PCDHA5: variants seen among roughly 807,000 people sequenced by gnomAD.
The protein encoded by PCDHA5 is protocadherin alpha-5.
In PCDHA5, 43 loss-of-function variants were observed where a neutral mutation model predicts 61.6. That is an observed-to-expected ratio of 0.70 (90% CI 0.55 to 0.90). The LOEUF (loss-of-function observed/expected upper bound fraction) is 0.90. Ranked by LOEUF, PCDHA5 falls within the 40% of genes least tolerant of loss-of-function variation. PCDHA5 has a pLI of 0.00. For missense variants in PCDHA5, 1,298 were observed against 1,222.7 expected, an observed-to-expected ratio of 1.06 and a Z score of -0.92; for synonymous variants, 627 against 543.9, an observed-to-expected ratio of 1.15 and a Z score of -2.13.
At position 140,823,929 on chromosome 5, in the gene PCDHA5, C is replaced by A. The variant is rs2150130451; in HGVS notation, c.2154C>A (p.Thr718=). Residue 718 remains threonine (T), a synonymous_variant, in exon 1 of 4, where the codon ACC becomes ACA. Coordinates refer to ENST00000529859, the MANE Select transcript of PCDHA5 (RefSeq NM_018908.3). ...TGGTGCTCACGCTGCTGCTGTACAC[C>A]GCGCTGCGGTGCTCGGCGCAGCCCA... ...SLLVLTLLLY[T]ALRCSAQPTE... is the part of the protein sequence containing the mutation. 6.2e-7 allele frequency: 1 copy of A among 1,613,958 alleles called. No individual in the cohort carries two copies. Among genetic ancestry groups the A allele is most frequent in the Non-Finnish European group, 8.5e-7 (1 of 1,179,946 alleles).
At chr5:140,841,445 G>C (rs1777235481) in intron 1 of PCDHA5, 6 of 1,612,934 alleles carry the variant, frequency 3.7e-6, no homozygotes, top group South Asian at 1.1e-5. Flanking sequence ...GGCCAAACAC[G>C]GCACCTTCGT....
intron 3 of PCDHA5, among the ~76,000 whole-genome samples, chr5:140,998,018 G>A (rs575495303): frequency 2.0e-5 from 3 of 152,170 alleles, no homozygotes; most frequent in Admixed American, 6.5e-5. Flanking sequence ...TCCCCACCTC[G>A]AGCTAGTGCT....
chr5:140,877,044 C>G (rs2056811009), intron 1 of PCDHA5: 2 of 1,612,634 alleles, frequency 1.2e-6, no homozygotes, highest in Non-Finnish European at 1.7e-6. Context: ...AGCCGCTAGA[C>G]CACGAGGAGC....
chr5:140,839,078 C>T (rs1776029855), intron 1 of PCDHA5, among the ~76,000 whole-genome samples: 1 of 151,898 alleles, frequency 6.6e-6, no homozygotes, highest in African/African-American at 2.4e-5. Flanking sequence ...AAGTCAAAAA[C>T]CTGTCTGATA....
chr5:140,898,004 T>C (rs2066460029), intron 1 of PCDHA5, among the ~76,000 whole-genome samples: 1 of 152,210 alleles, frequency 6.6e-6, no homozygotes, highest in East Asian at 1.9e-4. Context: ...GAAGTGTCTG[T>C]TCATATCCTT....
chr5:140,990,232 C>T (rs983376308), intron 3 of PCDHA5, among the ~76,000 whole-genome samples: 4 of 152,054 alleles, frequency 2.6e-5, no homozygotes, highest in Non-Finnish European at 4.4e-5. Flanking sequence ...TTGTAACTAG[C>T]GTTGTATTCC....
At chr5:140,876,445 A>G in intron 1 of PCDHA5, 1 of 1,614,014 alleles carries the variant, frequency 6.2e-7, no homozygotes, top group Non-Finnish European at 8.5e-7. Context: ...CGCCATTGAT[A>G]AAGGGATTCC....
chr5:141,003,001 C>T (rs1403843420), intron 3 of PCDHA5, among the ~76,000 whole-genome samples: 3 of 152,182 alleles, frequency 2.0e-5, no homozygotes, highest in Admixed American at 1.3e-4. Flanking sequence ...AGTTTATGTT[C>T]TATTAGGGAA....
At chr5:140,917,863 G>A (rs182359679) in intron 1 of PCDHA5, among the ~76,000 whole-genome samples, 1 of 151,750 alleles carries the variant, frequency 6.6e-6, no homozygotes, top group East Asian at 1.9e-4. Context: ...GGATTGCTTT[G>A]ACTATTTGGG....
At chr5:140,934,690 T>C (rs1263392505) in intron 1 of PCDHA5, among the ~76,000 whole-genome samples, 1 of 152,198 alleles carries the variant, frequency 6.6e-6, no homozygotes, top group Non-Finnish European at 1.5e-5. Flanking sequence ...AAACAATGAA[T>C]TGATTCCTGG....
chr5:140,989,350 T>G (rs188962457), intron 3 of PCDHA5, among the ~76,000 whole-genome samples: 17 of 152,274 alleles, frequency 1.1e-4, no homozygotes, highest in African/African-American at 3.9e-4. Context: ...TCAAAGGTGA[T>G]AGGTCACCTG....
intron 1 of PCDHA5, chr5:140,841,760 A>C: frequency 6.2e-7 from 1 of 1,613,864 alleles, no homozygotes; most frequent in Non-Finnish European, 8.5e-7. Flanking sequence ...AGAATCCAGA[A>C]TGCCAGACTC....
chr5:140,979,147 C>A (rs2096836802), intron 2 of PCDHA5, 140 bp downstream of exon 2: 2 of 1,442,248 alleles, frequency 1.4e-6, no homozygotes, highest in African/African-American at 2.9e-5. Flanking sequence ...ATTATTTTGT[C>A]CCCATGTTTA....
intron 1 of PCDHA5, chr5:140,926,715 G>C (rs114961630): frequency 2.1e-6 from 2 of 952,238 alleles, no homozygotes; most frequent in Non-Finnish European, 1.4e-6. Flanking sequence ...GGCCAGCCCC[G>C]GCAATGCCGG....
intron 1 of PCDHA5, among the ~76,000 whole-genome samples, chr5:140,938,890 C>T (rs979482011): frequency 5.9e-5 from 9 of 152,080 alleles, no homozygotes; most frequent in Non-Finnish European, 8.8e-5. Flanking sequence ...CACACACACA[C>T]AGATGCGCAC....
chr5:140,891,744 A>G (rs2063231419), intron 1 of PCDHA5, among the ~76,000 whole-genome samples: 1 of 152,070 alleles, frequency 6.6e-6, no homozygotes, highest in South Asian at 2.1e-4. Context: ...AATCCCTTAT[A>G]CAACAGTGTT....
At position 140,828,273 on chromosome 5, in the gene PCDHA5, C is replaced by T. The variant is rs2150153408; in HGVS notation, c.2352+4146C>T. ...GGGCTGGAGCTGGCGGAGCTGGTGC[C>T]GCGCCTGTTCAGGATGGCCTCCAAA... On this transcript the variant is annotated intron_variant, in intron 1 of 3. Transcript: ENST00000529859. The T allele has an allele frequency of 1.2e-5, 19 of 1,614,048 alleles. No individual in the cohort carries two copies. The highest frequency in any genetic ancestry group is 1.7e-5 in the Admixed American group (1 of 60,030).
intron 1 of PCDHA5, among the ~76,000 whole-genome samples, chr5:140,944,025 A>C (rs981840753): frequency 6.6e-6 from 1 of 152,236 alleles, no homozygotes; most frequent in Admixed American, 6.5e-5. Flanking sequence ...AATTATCTTC[A>C]AAATATGGAA....
At chr5:140,872,134 A>C (rs938546166) in intron 1 of PCDHA5, among the ~76,000 whole-genome samples, 1 of 152,112 alleles carries the variant, frequency 6.6e-6, no homozygotes, top group Non-Finnish European at 1.5e-5. Context: ...CAAAGCTAGA[A>C]TACTCCATTA....
Sources: gnomAD v4.1 joint callset for allele counts (sites outside exome capture counted in the v4.1 genomes callset) on GRCh38, gnomAD v4.1.1 for gene constraint, MANE v1.5 for transcripts, NCBI Gene and HGNC (gene_info 2026-07-23, HGNC 2026-07-21) for gene names.